Variants in ELP2 observed in about 807,000 individuals in gnomAD.
The protein encoded by ELP2 is elongator complex protein 2.
In ELP2, 90 loss-of-function variants were observed where a neutral mutation model predicts 119.2. That is an observed-to-expected ratio of 0.75 (90% confidence interval 0.64 to 0.90). The LOEUF (loss-of-function observed/expected upper bound fraction) is 0.90, where lower values mean the gene tolerates loss of function less well. ELP2 is among the 40% of genes least tolerant of loss of function. The pLI, the probability that ELP2 is intolerant of heterozygous loss-of-function variation, is 0.00. For missense variants in ELP2, 921 were observed against 967.8 expected, an observed-to-expected ratio of 0.95 and a Z score of 0.64; for synonymous variants, 339 against 331.0, an observed-to-expected ratio of 1.02 and a Z score of -0.26.
At chr18:36,167,692 G>GA (rs1404853569) in intron 19 of ELP2, among the ~76,000 whole-genome samples, 1 of 96,966 alleles carries the variant, frequency 1.0e-5, no homozygotes, top group Non-Finnish European at 2.2e-5. Flanking sequence ...AAGTAGCTAG[G>GA]AATTTTTTTT....
At chr18:36,153,806 G>A (rs2090477430) in intron 11 of ELP2, among the ~76,000 whole-genome samples, 1 of 151,796 alleles carries the variant, frequency 6.6e-6, no homozygotes, top group Admixed American at 6.6e-5. Flanking sequence ...GCAGTTTTAG[G>A]TTAACAGCAA....
intron 3 of ELP2, 157 bp from the exon 4 acceptor site, chr18:36,138,113 G>A (rs538169921): frequency 4.0e-4 from 264 of 656,684 alleles, no homozygotes; most frequent in Non-Finnish European, 5.7e-4. Context: ...CACATTTTGT[G>A]TGTTGTTAAC....
intron 1 of ELP2, among the ~76,000 whole-genome samples, chr18:36,131,984 A>C (rs1262362224): frequency 1.5e-5 from 2 of 135,972 alleles, no homozygotes; most frequent in African/African-American, 2.8e-5. Context: ...GCTCAGTGCA[A>C]CCTGCAACCT....
chr18:36,155,872 T>G (rs113405164), intron 12 of ELP2, among the ~76,000 whole-genome samples: 7 of 152,202 alleles, frequency 4.6e-5, no homozygotes, highest in Non-Finnish European at 8.8e-5. Context: ...TTAAGGAAAT[T>G]TTCACTGTGT....
Position 36,174,666 on chromosome 18 carries a change from A to T in ELP2, c.*25A>T, listed in dbSNP as rs773724464. ...ATGGACTTAATAACTACATGCTTGC[A>T]GTCACTGGTATCTTAAAATATTATC... On this transcript the variant is annotated 3_prime_UTR_variant, in exon 22 of 22. Coordinates refer to ENST00000358232, the MANE Select transcript of ELP2 (RefSeq NM_018255.4). 9.3e-6 allele frequency: 15 copies of T among 1,609,400 alleles called. No homozygotes were observed. In the South Asian group the frequency reaches 1.6e-4, roughly 18 times the overall value.
At chr18:36,139,342 C>CCATCTGTA in intron 5 of ELP2, 1 of 1,364,382 alleles carries the variant, frequency 7.3e-7, no homozygotes, top group South Asian at 1.4e-5. Flanking sequence ...GCTGTGAAAC[C>CCATCTGTA]CATCTGTATT....
intron 21 of ELP2, among the ~76,000 whole-genome samples, chr18:36,173,876 A>G (rs527755629): frequency 3.3e-5 from 5 of 152,298 alleles, no homozygotes; most frequent in Non-Finnish European, 7.3e-5. Flanking sequence ...TACGTTGGTA[A>G]CACTCTGGGT....
At position 36,142,313 on chromosome 18, in the gene ELP2, G is replaced by A. The variant is rs747224618; in HGVS notation, c.621G>A (p.Glu207=). ...FQKVLSLCGH[E]DWIRGVEWAA... The stretch of plus-strand genomic sequence containing the variant: ...AAGTGCTTTCTCTCTGTGGACATGA[G>A]GATTGGATTAGAGGAGTGGAATGGG... Residue 207 remains glutamate, a synonymous_variant, in exon 7 of 22, where the codon GAG becomes GAA. Transcript: ENST00000358232. 9.3e-6 allele frequency: 15 copies of A among 1,613,882 alleles called. No homozygotes were observed. In the East Asian group the frequency reaches 3.3e-4, roughly 36 times the overall value.
At chr18:36,169,656 G>A (rs2091017921) in intron 19 of ELP2, among the ~76,000 whole-genome samples, 1 of 152,158 alleles carries the variant, frequency 6.6e-6, no homozygotes, top group African/African-American at 2.4e-5. Flanking sequence ...CCAGAATGCT[G>A]GGATTACAGG....
At chr18:36,130,152 C>T (rs1466503245) in intron 1 of ELP2, 81 bp downstream of exon 1, 80 of 1,577,452 alleles carry the variant, frequency 5.1e-5, no homozygotes, top group Non-Finnish European at 6.8e-5. Flanking sequence ...CTGTTAGTTG[C>T]CGCCCCAGAC....
chr18:36,176,091 G>A lies in ELP2; in HGVS notation c.*1450G>A, dbSNP rs532840028. 3.3e-5 allele frequency: 5 copies of A among 152,034 alleles called. No individual in the cohort carries two copies. Among genetic ancestry groups the A allele is most frequent in the Admixed American group, 1.3e-4 (2 of 15,270 alleles). The allele number at this position is 152,034 out of a possible 1,614,324, so 9.4% of individuals were successfully genotyped here. On this transcript the variant is annotated 3_prime_UTR_variant, in exon 22 of 22. Transcript: ENST00000358232. ...TTAATGACATATTTCCTTTAATACG[G>A]TATATCCAAAATATTATTATGTCAA...
In ELP2 at chr18:36,166,319, G is replaced by GTTTTTT. The variant is rs60477950; in HGVS notation, c.1955-759_1955-754dup. ...AGTTATGTGGTTTTTGTTTTTTAGG[G>GTTTTTT]TTTTTTTTTTTTTTTTTTTTTTTTT... On this transcript the variant is annotated intron_variant, in intron 18 of 21. Coordinates refer to ENST00000358232, the MANE Select transcript of ELP2 (RefSeq NM_018255.4). Among the ~76,000 whole-genome samples the GTTTTTT allele has an allele frequency of 1.7e-4, 12 of 71,682 alleles. 2 individuals are homozygous for GTTTTTT. Among genetic ancestry groups the GTTTTTT allele is most frequent in the African/African-American group, 5.0e-4 (9 of 17,968 alleles). 47.0% of individuals were successfully genotyped at this position (71,682 alleles called of 152,430 possible). A position where few individuals can be genotyped will look rare whatever the true frequency, so the allele number is the denominator to read the frequency against.
chr18:36,170,980 A>T, intron 20 of ELP2, 67 bp from the exon 21 acceptor site: 1 of 1,144,358 alleles, frequency 8.7e-7, no homozygotes, highest in Non-Finnish European at 1.3e-6. Flanking sequence ...GAACTACTTT[A>T]GAGCAATGAC....
chr18:36,146,346 G>C lies in ELP2; in HGVS notation c.1090G>C (p.Ala364Pro). 6.2e-7 allele frequency: 1 copy of C among 1,614,082 alleles called. No homozygotes were observed. The highest frequency in any genetic ancestry group is 1.3e-5 in the African/African-American group (1 of 75,038). ...GATCATTGCTCATGCTTTCCACGGA[G>C]CGTTGCACCTTTGGAAACAGAATAC... ...SMIIAHAFHGALHLWKQNTVN... is the reference protein window; with the variant it reads ...SMIIAHAFHGPLHLWKQNTVN... The change falls in exon 11 of 22, where the codon GCG (alanine) becomes CCG (proline). Residue 364 changes from alanine (A) to proline (P), a missense_variant. Transcript: ENST00000358232.
At chr18:36,156,746 G>C (rs2090587899) in intron 13 of ELP2, 92 bp downstream of exon 13, 2 of 1,135,994 alleles carry the variant, frequency 1.8e-6, no homozygotes, top group African/African-American at 3.1e-5. Context: ...GGAATATATG[G>C]GTAGAAAGAA....
At chr18:36,170,945 G>A in intron 20 of ELP2, 102 bp from the exon 21 acceptor site, 1 of 830,574 alleles carries the variant, frequency 1.2e-6, no homozygotes, top group Admixed American at 2.0e-5. Context: ...CTTTTGTAAG[G>A]CAGGGACAGT....
At position 36,142,334 on chromosome 18, in the gene ELP2, A is replaced by T; in HGVS notation, c.642A>T (p.Glu214Asp). 6.2e-7 allele frequency: 1 copy of T among 1,613,956 alleles called. No homozygotes were observed. Among genetic ancestry groups the T allele is most frequent in the Non-Finnish European group, 8.5e-7 (1 of 1,179,884 alleles). ...CGHEDWIRGV[E>D]WAAFGRDLFL... ...ATGAGGATTGGATTAGAGGAGTGGAATGGGCAGCCTTTGGTCAGTATGAAA... is the reference window on the plus strand; with the variant it reads ...ATGAGGATTGGATTAGAGGAGTGGATTGGGCAGCCTTTGGTCAGTATGAAA... The change falls in exon 7 of 22, where the codon GAA becomes GAT. Residue 214 changes from glutamate (E) to aspartate (D), a missense_variant. Physicochemically the swap from Glu to Asp is conservative, Grantham distance 45. Coordinates refer to ENST00000358232, the MANE Select transcript of ELP2 (RefSeq NM_018255.4).
In ELP2 at chr18:36,167,167, C is replaced by T; in HGVS notation, c.2021C>T (p.Ser674Phe). ...TCTGTGCACAGTAGAATTATTTGGT[C>T]TTGTGATTGGAGTCCTGACAGCAAG... Reference protein sequence around the residue: ...ITSVHSRIIWSCDWSPDSKYF... With the variant: ...ITSVHSRIIWFCDWSPDSKYF... The change falls in exon 19 of 22, where the codon TCT becomes TTT. Residue 674 changes from serine to phenylalanine, a missense_variant. Ser to Phe is a radical substitution (Grantham distance 155). Coordinates refer to ENST00000358232, the MANE Select transcript of ELP2 (RefSeq NM_018255.4). 6.3e-7 allele frequency: 1 copy of T among 1,599,564 alleles called. No homozygotes were observed. The highest frequency in any genetic ancestry group is 8.5e-7 in the Non-Finnish European group (1 of 1,172,176).
At chr18:36,156,372 T>C in intron 12 of ELP2, 94 bp from the exon 13 acceptor site, 1 of 1,238,826 alleles carries the variant, frequency 8.1e-7, no homozygotes, top group Non-Finnish European at 1.2e-6. Flanking sequence ...CATGGTTATA[T>C]TTCCATTGTA....
Sources: gnomAD v4.1 joint callset for allele counts (sites outside exome capture counted in the v4.1 genomes callset) on GRCh38, gnomAD v4.1.1 for gene constraint, MANE v1.5 for transcripts, NCBI Gene and HGNC (gene_info 2026-07-23, HGNC 2026-07-21) for gene names.